ARID5B: variants seen among roughly 807,000 people sequenced by gnomAD.
ARID5B encodes AT-rich interaction domain 5B.
ARID5B carries 13 observed loss-of-function variants against 97.2 expected under a neutral mutation model. The ratio of observed to expected loss-of-function variants is 0.13; its 90% CI spans 0.09 to 0.21. The LOEUF (loss-of-function observed/expected upper bound fraction) is 0.21. Ranked by LOEUF, ARID5B falls within the 10% of genes least tolerant of loss-of-function variation. ARID5B has a pLI of 1.00. For synonymous variants in ARID5B, 556 were observed against 570.3 expected (o/e 0.97, Z 0.36); for missense variants, 1,210 against 1,465.3 (o/e 0.83, Z 2.84).
rs758155912 is a variant in ARID5B at position 61,940,271 on chromosome 10, G to A, written c.365G>A (p.Cys122Tyr). The A allele has an allele frequency of 6.2e-7, 1 of 1,614,220 alleles. No individual in the cohort carries two copies. Residue 122 changes from cysteine to tyrosine, a missense_variant, in exon 3 of 10, where the codon TGT (cysteine) becomes TAT (tyrosine). Transcript: ENST00000279873. Reference sequence around the variant, plus strand: ...CATTCTGATTTCTCCAAGTGGAGATGTGGCTTCCACGCTGGACCAGTGAAA... The same window carrying A: ...CATTCTGATTTCTCCAAGTGGAGATATGGCTTCCACGCTGGACCAGTGAAA... ...WVHSDFSKWR[C>Y]GFHAGPVKTE... is the part of the protein sequence containing the mutation.
At chr10:61,923,763 G>A (rs1844056754) in intron 2 of ARID5B, among the ~76,000 whole-genome samples, 1 of 152,216 alleles carries the variant, frequency 6.6e-6, no homozygotes, top group Non-Finnish European at 1.5e-5. Context: ...TCCCAGGAAA[G>A]GAGCAGGAGA....
intron 3 of ARID5B, among the ~76,000 whole-genome samples, chr10:61,975,238 G>A (rs1177618217): frequency 2.0e-5 from 3 of 152,106 alleles, no homozygotes; most frequent in African/African-American, 7.2e-5. Context: ...CATTAATAAT[G>A]TTTCTGGAGC....
At chr10:62,013,334 G>T (rs370287019) in intron 4 of ARID5B, among the ~76,000 whole-genome samples, 2 of 152,136 alleles carry the variant, frequency 1.3e-5, no homozygotes, top group African/African-American at 4.8e-5. Flanking sequence ...GACAAAAATT[G>T]TACATGTCTA....
At chr10:61,998,188 G>C (rs1490853191) in intron 3 of ARID5B, among the ~76,000 whole-genome samples, 1 of 152,164 alleles carries the variant, frequency 6.6e-6, no homozygotes, top group African/African-American at 2.4e-5. Flanking sequence ...CTGGGTATTG[G>C]CCTCCTATCT....
At chr10:61,964,474 T>C (rs1192065841) in intron 3 of ARID5B, among the ~76,000 whole-genome samples, 1 of 152,178 alleles carries the variant, frequency 6.6e-6, no homozygotes, top group African/African-American at 2.4e-5. Context: ...CTTAACTGAA[T>C]AGTGCTCTTC....
At chr10:62,013,795 T>TTGACA in intron 4 of ARID5B, among the ~76,000 whole-genome samples, 1 of 21,940 alleles carries the variant, frequency 4.6e-5, no homozygotes, top group Non-Finnish European at 8.2e-5. Flanking sequence ...TTCCATTGGG[T>TTGACA]ATATATATAT....
At chr10:62,083,063 ACT>A (rs1318859700) in intron 8 of ARID5B, among the ~76,000 whole-genome samples, 5 of 150,016 alleles carry the variant, frequency 3.3e-5, no homozygotes, top group African/African-American at 5.0e-5. Context: ...ACACACACAC[ACT>A]CTCTCACACA....
At chr10:61,927,005 C>T (rs559570566) in intron 2 of ARID5B, among the ~76,000 whole-genome samples, 1 of 152,094 alleles carries the variant, frequency 6.6e-6, no homozygotes, top group African/African-American at 2.4e-5. Context: ...ATGACTTTTA[C>T]AGCAATCTAA....
At chr10:61,909,573 C>A (rs936763955) in intron 2 of ARID5B, among the ~76,000 whole-genome samples, 2 of 152,220 alleles carry the variant, frequency 1.3e-5, no homozygotes, top group South Asian at 2.1e-4. Flanking sequence ...GATCCACCCG[C>A]CTTGGCCTCC....
intron 9 of ARID5B, among the ~76,000 whole-genome samples, chr10:62,090,588 T>A (rs1840354824): frequency 6.6e-6 from 1 of 152,228 alleles, no homozygotes; most frequent in Admixed American, 6.5e-5. Flanking sequence ...AGGAGTGATA[T>A]GATTGTATAC....
chr10:61,979,016 T>C (rs1383823620), intron 3 of ARID5B, among the ~76,000 whole-genome samples: 2 of 152,176 alleles, frequency 1.3e-5, no homozygotes, highest in African/African-American at 4.8e-5. Context: ...ATATCTCTTA[T>C]TATTTTGAGA....
At chr10:61,937,217 T>C (rs1236472007) in intron 2 of ARID5B, among the ~76,000 whole-genome samples, 1 of 152,242 alleles carries the variant, frequency 6.6e-6, no homozygotes, top group Non-Finnish European at 1.5e-5. Flanking sequence ...AGAAGGCAGC[T>C]TCTATCAGTT....
At chr10:61,978,951 G>A (rs987273692) in intron 3 of ARID5B, among the ~76,000 whole-genome samples, 1 of 152,178 alleles carries the variant, frequency 6.6e-6, no homozygotes, top group Admixed American at 6.5e-5. Flanking sequence ...TTTTCAAAAG[G>A]AATGCTTCCA....
At chr10:62,001,468 G>A (rs1839079147) in intron 4 of ARID5B, among the ~76,000 whole-genome samples, 1 of 152,158 alleles carries the variant, frequency 6.6e-6, no homozygotes. Context: ...TCACTAGTTG[G>A]CAGATTATCC....
intron 2 of ARID5B, among the ~76,000 whole-genome samples, chr10:61,908,102 G>A (rs1328505596): frequency 6.6e-6 from 1 of 152,124 alleles, no homozygotes; most frequent in African/African-American, 2.4e-5. Flanking sequence ...TTGGTTCTAG[G>A]ACATTAAAAT....
chr10:62,086,426 C>T (rs1355357613), intron 9 of ARID5B, among the ~76,000 whole-genome samples: 1 of 152,096 alleles, frequency 6.6e-6, no homozygotes, highest in African/African-American at 2.4e-5. Flanking sequence ...CCAGTCTCTA[C>T]AAACAAAGCT....
At chr10:62,072,116 C>A (rs934433786) in intron 8 of ARID5B, among the ~76,000 whole-genome samples, 8 of 152,300 alleles carry the variant, frequency 5.3e-5, no homozygotes, top group Non-Finnish European at 5.9e-5. Context: ...TGCCTCAGAG[C>A]TGGGGTTCAG....
At chr10:61,985,794 G>T (rs186044740) in intron 3 of ARID5B, among the ~76,000 whole-genome samples, 14 of 152,234 alleles carry the variant, frequency 9.2e-5, no homozygotes, top group African/African-American at 2.6e-4. Flanking sequence ...AGAAGTAATA[G>T]AGAGAAATAA....
intron 4 of ARID5B, among the ~76,000 whole-genome samples, chr10:62,018,605 C>T (rs1839314212): frequency 1.4e-5 from 2 of 146,840 alleles, no homozygotes; most frequent in Admixed American, 6.8e-5. Context: ...TCAAACCTGC[C>T]CCTCCCCCGC....
Sources: allele counts gnomAD v4.1 joint callset (sites outside exome capture counted in the v4.1 genomes callset), GRCh38; gene constraint gnomAD v4.1.1; transcripts MANE v1.5; gene names NCBI Gene and HGNC (gene_info 2026-07-23, HGNC 2026-07-21).